The following ABI3BP variants were observed in gnomAD, a reference collection of about 807,000 sequenced individuals.
ABI3BP encodes target of Nesh-SH3.
Under a neutral mutation model 268.6 loss-of-function variants are expected in ABI3BP, and 216 were observed. That is an observed-to-expected ratio of 0.80 (90% CI 0.72 to 0.90). The LOEUF is 0.90. Ranked by LOEUF, ABI3BP falls within the 40% of genes least tolerant of loss-of-function variation. The pLI, the probability that ABI3BP is intolerant of heterozygous loss-of-function variation, is 0.00. For synonymous variants in ABI3BP, 730 were observed against 730.0 expected (o/e 1.00, Z 0.00); for missense variants, 2,090 against 2,182.4 (o/e 0.96, Z 0.84).
chr3:100,909,477 G>A (rs2055216253), intron 2 of ABI3BP, among the ~76,000 whole-genome samples: 1 of 151,980 alleles, frequency 6.6e-6, no homozygotes, highest in Non-Finnish European at 1.5e-5. Context: ...GAGTGAACAG[G>A]CACCTACAGA....
At chr3:100,778,712 AT>A (rs1308776852) in intron 58 of ABI3BP, 11 of 238,782 alleles carry the variant, frequency 4.6e-5, no homozygotes, top group African/African-American at 2.1e-4. Context: ...CACAATAAAA[AT>A]AACAATACAA....
intron 29 of ABI3BP, among the ~76,000 whole-genome samples, chr3:100,834,134 C>G (rs191044241): frequency 6.6e-6 from 1 of 152,278 alleles, no homozygotes; most frequent in East Asian, 1.9e-4. Flanking sequence ...CCATATCTGG[C>G]TAGTTTTTCT....
At chr3:100,936,852 T>C (rs2066384822) in intron 1 of ABI3BP, among the ~76,000 whole-genome samples, 1 of 152,152 alleles carries the variant, frequency 6.6e-6, no homozygotes, top group Non-Finnish European at 1.5e-5. Flanking sequence ...ATTGCATCTA[T>C]TTGATTCTTC....
At chr3:100,873,437 A>AG (rs796129168) in intron 9 of ABI3BP, among the ~76,000 whole-genome samples, 2 of 152,090 alleles carry the variant, frequency 1.3e-5, no homozygotes, top group Admixed American at 6.6e-5. Context: ...AGGGAGGGAA[A>AG]GGGGGAAAAA....
At chr3:100,817,637 A>T in intron 41 of ABI3BP, 142 bp from the exon 42 acceptor site, 1 of 523,602 alleles carries the variant, frequency 1.9e-6, no homozygotes, top group Non-Finnish European at 3.3e-6. Flanking sequence ...CATTAGTCTC[A>T]TAAGACAGAT....
intron 1 of ABI3BP, among the ~76,000 whole-genome samples, chr3:100,928,456 A>G (rs898249475): frequency 6.6e-6 from 1 of 152,106 alleles, no homozygotes; most frequent in African/African-American, 2.4e-5. Flanking sequence ...GCCTCAATAG[A>G]ACCACAGAAA....
intron 44 of ABI3BP, 23 bp downstream of exon 44, chr3:100,815,889 A>G (rs2098025022): frequency 1.3e-6 from 2 of 1,509,516 alleles, no homozygotes; most frequent in Non-Finnish European, 1.8e-6. Context: ...AAAGCATTTA[A>G]TGCAAGTCAC....
Position 100,749,454 on chromosome 3 carries a change from T to C in ABI3BP, c.*1041A>G, listed in dbSNP as rs554488770. On this transcript the variant is annotated 3_prime_UTR_variant, in exon 68 of 68. Coordinates refer to ENST00000471714, the MANE Select transcript of ABI3BP (RefSeq NM_001375547.2). Reference sequence around the variant, plus strand: ...AGTACAGGGAAAGGTCCTTTCAGAATGACTGCAACAGTGCAGCAAGGATTC... The same window carrying C: ...AGTACAGGGAAAGGTCCTTTCAGAACGACTGCAACAGTGCAGCAAGGATTC... The C allele has an allele frequency of 4.6e-5, 18 of 393,006 alleles. No homozygotes were observed. The highest frequency in any genetic ancestry group is 7.2e-5 in the Non-Finnish European group (16 of 222,596). The allele number at this position is 393,006 out of a possible 1,614,324, so 24.3% of individuals were successfully genotyped here. A position where few individuals can be genotyped will look rare whatever the true frequency, so the allele number is the denominator to read the frequency against.
chr3:100,750,711 T>C, intron 67 of ABI3BP, 101 bp from the exon 68 acceptor site: 1 of 748,622 alleles, frequency 1.3e-6, no homozygotes, highest in Non-Finnish European at 2.1e-6. Flanking sequence ...AAGGCTAATC[T>C]TAGTGAAGCG....
At position 100,824,861 on chromosome 3, in the gene ABI3BP, G is replaced by C; in HGVS notation, c.2743C>G (p.Pro915Ala). ...AACCAAGGAATCACAGATTTACCAG[G>C]TTTGGTCTCAGGTGCCTGAGGGCTC... is the stretch of plus-strand genomic sequence containing the variant. The part of the protein sequence containing the change: ...TPSPQAPETK[P>A]VPATVLEPVT... The change falls in exon 36 of 68, where the codon CCT becomes GCT. Residue 915 changes from proline (P) to alanine (A), a missense_variant. Coordinates refer to ENST00000471714, the MANE Select transcript of ABI3BP (RefSeq NM_001375547.2). 1 of 1,535,554 alleles carries C rather than the reference G, an allele frequency of 6.5e-7. No individual in the cohort carries two copies. The highest frequency in any genetic ancestry group is 8.7e-7 in the Non-Finnish European group (1 of 1,146,300).
At chr3:100,894,576 G>A (rs2046256770) in intron 4 of ABI3BP, among the ~76,000 whole-genome samples, 1 of 152,028 alleles carries the variant, frequency 6.6e-6, no homozygotes, top group Non-Finnish European at 1.5e-5. Flanking sequence ...TACAAACTTG[G>A]GGGCGGAAAA....
At chr3:100,881,858 G>A (rs1489461683) in intron 6 of ABI3BP, among the ~76,000 whole-genome samples, 1 of 152,122 alleles carries the variant, frequency 6.6e-6, no homozygotes, top group African/African-American at 2.4e-5. Flanking sequence ...GTAGAACAAA[G>A]GTACTAGCCA....
intron 1 of ABI3BP, among the ~76,000 whole-genome samples, chr3:100,953,300 T>C (rs925159362): frequency 6.6e-6 from 1 of 152,184 alleles, no homozygotes; most frequent in African/African-American, 2.4e-5. Flanking sequence ...ATCTCTTTCG[T>C]CTGCCCCTGC....
At chr3:100,792,647 C>A (rs1226105675) in intron 55 of ABI3BP, 44 bp downstream of exon 55, 2 of 1,571,226 alleles carry the variant, frequency 1.3e-6, no homozygotes, top group African/African-American at 2.7e-5. Flanking sequence ...TGATTAAAAG[C>A]AAATAAGGAA....
At chr3:100,973,670 TC>T (rs1385139976) in intron 1 of ABI3BP, among the ~76,000 whole-genome samples, 1 of 152,182 alleles carries the variant, frequency 6.6e-6, no homozygotes, top group Non-Finnish European at 1.5e-5. Flanking sequence ...AGCATTTTCT[TC>T]CCCAGAGCAC....
chr3:100,834,579 C>T, intron 29 of ABI3BP, 105 bp downstream of exon 29: 1 of 1,047,080 alleles, frequency 9.6e-7, no homozygotes, highest in Non-Finnish European at 1.4e-6. Context: ...TGACTTGGGC[C>T]TTCACCCCAA....
At chr3:100,971,908 G>A (rs140498315) in intron 1 of ABI3BP, among the ~76,000 whole-genome samples, 468 of 152,240 alleles carry the variant, frequency 3.1e-3, no homozygotes, top group Non-Finnish European at 4.9e-3. Context: ...AAGGAGGTGT[G>A]AGGATTCTTG....
intron 14 of ABI3BP, among the ~76,000 whole-genome samples, chr3:100,852,722 G>A (rs967946744): frequency 2.0e-5 from 3 of 152,156 alleles, no homozygotes; most frequent in African/African-American, 7.2e-5. Context: ...ATACAGCCAT[G>A]AGCCTTTCTC....
intron 29 of ABI3BP, 26 bp downstream of exon 29, chr3:100,834,658 G>A: frequency 6.5e-7 from 1 of 1,532,004 alleles, no homozygotes; most frequent in South Asian, 1.2e-5. Context: ...GGATGCCACA[G>A]GGACAAGGAA....
Sources: allele counts gnomAD v4.1 joint callset (sites outside exome capture counted in the v4.1 genomes callset), GRCh38; gene constraint gnomAD v4.1.1; transcripts MANE v1.5; gene names NCBI Gene and HGNC (gene_info 2026-07-23, HGNC 2026-07-21).